Variants in ZNF423 observed in about 807,000 individuals in gnomAD.
ZNF423 encodes Ebf-associated zinc finger protein.
Under a neutral mutation model 95.8 loss-of-function variants are expected in ZNF423, and 12 were observed. The ratio of observed to expected loss-of-function variants is 0.13; its 90% CI spans 0.08 to 0.20. The LOEUF is 0.20. Ranked by LOEUF, ZNF423 falls within the 10% of genes least tolerant of loss-of-function variation. The pLI, the probability that ZNF423 is intolerant of heterozygous loss-of-function variation, is 1.00. For missense variants in ZNF423, 1,316 were observed against 1,737.1 expected, an observed-to-expected ratio of 0.76 and a Z score of 4.31; for synonymous variants, 749 against 711.9, an observed-to-expected ratio of 1.05 and a Z score of -0.83.
intron 1 of ZNF423, among the ~76,000 whole-genome samples, chr16:49,809,019 G>A (rs189504184): frequency 7.2e-4 from 110 of 152,350 alleles, no homozygotes; most frequent in African/African-American, 2.6e-3. Context: ...GGCACACTGA[G>A]CCCTTCCTGC....
intron 5 of ZNF423, among the ~76,000 whole-genome samples, chr16:49,528,309 G>A (rs569342521): frequency 2.0e-5 from 3 of 152,198 alleles, no homozygotes; most frequent in South Asian, 2.1e-4. Flanking sequence ...ATTCATAGCC[G>A]CAGCTACACC....
intron 5 of ZNF423, among the ~76,000 whole-genome samples, chr16:49,614,731 A>G (rs976538927): frequency 2.6e-5 from 4 of 152,204 alleles, no homozygotes; most frequent in African/African-American, 9.7e-5. Flanking sequence ...GAGGACCTCT[A>G]TGTGAATCTG....
chr16:49,664,120 G>A, intron 3 of ZNF423: 3 of 985,548 alleles, frequency 3.0e-6, no homozygotes, highest in Non-Finnish European at 3.6e-6. Context: ...GGCGTCCCAG[G>A]GCAAACTGGC....
intron 5 of ZNF423, among the ~76,000 whole-genome samples, chr16:49,565,954 G>C (rs1161346096): frequency 1.3e-5 from 2 of 151,990 alleles, no homozygotes; most frequent in African/African-American, 2.4e-5. Context: ...ATAGGAACAA[G>C]GTGGGTGCTC....
intron 3 of ZNF423, among the ~76,000 whole-genome samples, chr16:49,729,370 C>T (rs901987553): frequency 6.6e-6 from 1 of 152,132 alleles, no homozygotes; most frequent in African/African-American, 2.4e-5. Context: ...GGGTCAATAG[C>T]TCAGTGTCCA....
intron 7 of ZNF423, among the ~76,000 whole-genome samples, chr16:49,513,068 A>T (rs138504757): frequency 6.7e-4 from 102 of 152,324 alleles, no homozygotes; most frequent in African/African-American, 2.4e-3. Context: ...TGCACACTCC[A>T]GACTGGGTGA....
At chr16:49,782,808 CA>C (rs2143781753) in intron 2 of ZNF423, among the ~76,000 whole-genome samples, 1 of 152,138 alleles carries the variant, frequency 6.6e-6, no homozygotes, top group African/African-American at 2.4e-5. Context: ...TCTGACTAGA[CA>C]ATTACATAAA....
At chr16:49,808,600 C>A (rs1416563897) in intron 1 of ZNF423, among the ~76,000 whole-genome samples, 1 of 152,142 alleles carries the variant, frequency 6.6e-6, no homozygotes, top group Non-Finnish European at 1.5e-5. Context: ...CCCACTCAGC[C>A]CACTGGAGTT....
intron 2 of ZNF423, among the ~76,000 whole-genome samples, chr16:49,736,166 C>A (rs1465756312): frequency 6.6e-6 from 1 of 152,172 alleles, no homozygotes; most frequent in Non-Finnish European, 1.5e-5. Flanking sequence ...TCTGAATCCC[C>A]ACACAGGTAG....
intron 3 of ZNF423, among the ~76,000 whole-genome samples, chr16:49,714,620 T>A (rs1219873900): frequency 1.9e-5 from 2 of 107,860 alleles, no homozygotes; most frequent in African/African-American, 8.1e-5. Context: ...CACTCCAGCC[T>A]GGGAGAAAAA....
At chr16:49,685,742 G>A (rs953940087) in intron 3 of ZNF423, among the ~76,000 whole-genome samples, 8 of 152,088 alleles carry the variant, frequency 5.3e-5, no homozygotes, top group Admixed American at 1.3e-4. Flanking sequence ...GCCCACGCCC[G>A]TCCTTGACAG....
intron 1 of ZNF423, among the ~76,000 whole-genome samples, chr16:49,851,671 C>A (rs1358319199): frequency 6.6e-6 from 1 of 152,210 alleles, no homozygotes; most frequent in Non-Finnish European, 1.5e-5. Context: ...AAGTCACCCG[C>A]ATTTTGCACC....
At chr16:49,811,972 G>T (rs948129619) in intron 1 of ZNF423, among the ~76,000 whole-genome samples, 1 of 152,228 alleles carries the variant, frequency 6.6e-6, no homozygotes, top group Non-Finnish European at 1.5e-5. Flanking sequence ...GCTCTGTCCC[G>T]CTCTCCTCTC....
chr16:49,782,352 C>T (rs1597002633), intron 2 of ZNF423, among the ~76,000 whole-genome samples: 3 of 152,228 alleles, frequency 2.0e-5, no homozygotes, highest in Admixed American at 2.0e-4. Flanking sequence ...CTCTGTTTCT[C>T]GGTTTTCTCA....
intron 7 of ZNF423, among the ~76,000 whole-genome samples, chr16:49,503,377 A>G (rs1967508134): frequency 6.6e-6 from 1 of 152,142 alleles, no homozygotes; most frequent in Admixed American, 6.5e-5. Context: ...CACACCCGGA[A>G]CACATCCGGA....
At chr16:49,739,302 G>C (rs2033361713) in intron 2 of ZNF423, among the ~76,000 whole-genome samples, 1 of 152,348 alleles carries the variant, frequency 6.6e-6, no homozygotes, top group African/African-American at 2.4e-5. Context: ...CAGCATCGCA[G>C]TGCAGACAAA....
chr16:49,497,757 A>G (rs1967220847), intron 7 of ZNF423, among the ~76,000 whole-genome samples: 1 of 152,144 alleles, frequency 6.6e-6, no homozygotes, highest in Admixed American at 6.5e-5. Context: ...CACCTTAACC[A>G]CTGAGAGATT....
At position 49,744,591 on chromosome 16, in the gene ZNF423, T is replaced by TGGGGACTGCACTCAGA. The variant is rs1368780872; in HGVS notation, c.101-13636_101-13621dup. 2.1e-5 allele frequency among the ~76,000 whole-genome samples: 3 copies of TGGGGACTGCACTCAGA among 146,312 alleles called. No homozygotes were observed. In the East Asian group the frequency reaches 7.7e-4, roughly 37 times the overall value. On this transcript the variant is annotated intron_variant, in intron 2 of 7. Coordinates refer to ENST00000563137, the MANE Select transcript of ZNF423 (RefSeq NM_001379286.1). ...ACCCAGCTCGGGGTCAGGGTTTTGATGGGGACTGCACTCAGACCCCCCAGC... is the reference window on the plus strand; with the variant it reads ...ACCCAGCTCGGGGTCAGGGTTTTGATGGGGACTGCACTCAGAGGGGACTGCACTCAGACCCCCCAGC...
chr16:49,855,109 G>A lies in ZNF423; in HGVS notation c.40+626C>T, dbSNP rs2035346000. The A allele has an allele frequency of 1.1e-5, 10 of 938,860 alleles. No individual in the cohort carries two copies. In the South Asian group the frequency reaches 3.0e-4, roughly 28 times the overall value. 58.2% of individuals were successfully genotyped at this position (938,860 alleles called of 1,614,324 possible). A position where few individuals can be genotyped will look rare whatever the true frequency, so the allele number is the denominator to read the frequency against. ...GGTGGAGGAGGCAGGAAGTGCAGGG[G>A]CCCGGGCCGGGAGAAGGCCTGGGCA... On this transcript the variant is annotated intron_variant, in intron 1 of 7. Coordinates refer to ENST00000563137, the MANE Select transcript of ZNF423 (RefSeq NM_001379286.1). This position sits in a 1 kb window ranked among gnomAD's most constrained non-coding sequence, Gnocchi z 4.7.
Sources: gnomAD v4.1 joint callset for allele counts (sites outside exome capture counted in the v4.1 genomes callset) on GRCh38, gnomAD v4.1.1 for gene constraint, Gnocchi (gnomAD v3.1) non-coding constraint, MANE v1.5 for transcripts, NCBI Gene and HGNC (gene_info 2026-07-23, HGNC 2026-07-21) for gene names.